Variants in KDM4C observed in about 807,000 individuals in gnomAD.
KDM4C encodes lysine demethylase 4C.
Under a neutral mutation model 129.3 loss-of-function variants are expected in KDM4C, and 81 were observed. That is an observed-to-expected ratio of 0.63 (90% CI 0.52 to 0.75). The LOEUF is 0.75. Ranked by LOEUF, KDM4C falls within the 30% of genes least tolerant of loss-of-function variation. The probability of loss-of-function intolerance (pLI) is 0.00; values close to 1 mark genes in which losing one functional copy is unlikely to be tolerated. For missense variants in KDM4C, 1,457 were observed against 1,304.0 expected (o/e 1.12, Z -1.81); for synonymous variants, 573 against 456.1 (o/e 1.26, Z -3.26).
At chr9:7,128,418 G>GA (rs1279780965) in intron 19 of KDM4C, among the ~76,000 whole-genome samples, 182 bp downstream of exon 19, 3,453 of 151,236 alleles carry the variant, frequency 0.023, 111 homozygotes, top group African/African-American at 0.079. Context: ...TTCTTTTTTT[G>GA]GCCAAACGTT....
chr9:7,090,996 G>A (rs1168171702), intron 17 of KDM4C, among the ~76,000 whole-genome samples: 1 of 152,310 alleles, frequency 6.6e-6, no homozygotes, highest in Non-Finnish European at 1.5e-5. Flanking sequence ...GAGCATGGAT[G>A]CATTTTATGG....
intron 17 of KDM4C, among the ~76,000 whole-genome samples, chr9:7,084,945 C>T (rs942589378): frequency 6.6e-6 from 1 of 152,154 alleles, no homozygotes; most frequent in Non-Finnish European, 1.5e-5. Context: ...ATGAGAGTGC[C>T]CATCAGGGGG....
chr9:7,136,436 A>G (rs189109487), intron 19 of KDM4C, among the ~76,000 whole-genome samples: 1 of 152,354 alleles, frequency 6.6e-6, no homozygotes, highest in East Asian at 1.9e-4. Flanking sequence ...GTGCCATTTT[A>G]TCTTCCCACC....
In KDM4C at chr9:6,728,662, TG is replaced by T. The variant is rs1458377994; in HGVS notation, c.49+7669del. On this transcript the variant is annotated intron_variant, in intron 1 of 17. Coordinates refer to the KDM4C transcript ENST00000536108. ...GAGTTCGAGACCAGCCTGACCAACA[TG>T]GGGAAACCCCATCTCTACTAAAAAT... Among the ~76,000 whole-genome samples the T allele has an allele frequency of 2.6e-5, 4 of 151,258 alleles. No homozygotes were observed. In the East Asian group the frequency reaches 7.9e-4, roughly 30 times the overall value.
chr9:7,100,424 C>G (rs1049445668), intron 17 of KDM4C, among the ~76,000 whole-genome samples: 1 of 152,136 alleles, frequency 6.6e-6, no homozygotes, highest in Non-Finnish European at 1.5e-5. Context: ...ACTGCAACCT[C>G]TGCCTCCTGG....
chr9:6,994,787 C>T (rs762056775), intron 12 of KDM4C, among the ~76,000 whole-genome samples: 3 of 152,102 alleles, frequency 2.0e-5, no homozygotes, highest in African/African-American at 7.2e-5. Flanking sequence ...TTTTAATTAC[C>T]AATATAAATG....
chr9:7,098,006 G>C lies in KDM4C; in HGVS notation c.2425-5679G>C, dbSNP rs371835692. Among the ~76,000 whole-genome samples the C allele has an allele frequency of 2.6e-4, 40 of 152,330 alleles. No homozygotes were observed. The South Asian group carries it at 8.3e-3, about 32-fold the overall frequency. ...GGTGCTTCCGCAAGGATTCTTACTT[G>C]ATCTTCCTTGTAATGTATCTGTTGA... On this transcript the variant is annotated intron_variant, in intron 17 of 21. Transcript: ENST00000381309.
At chr9:7,082,588 C>T (rs1204034301) in intron 17 of KDM4C, among the ~76,000 whole-genome samples, 1 of 152,112 alleles carries the variant, frequency 6.6e-6, no homozygotes, top group Non-Finnish European at 1.5e-5. Context: ...CATGGGGCTG[C>T]GGGCAGTCCT....
intron 18 of KDM4C, chr9:7,105,291 A>C (rs1159041709): frequency 2.8e-6 from 1 of 359,398 alleles, no homozygotes; most frequent in Non-Finnish European, 5.7e-6. Flanking sequence ...TGGTGTTCAC[A>C]CTTAGATTCT....
chr9:7,005,493 A>T (rs1037114103), intron 12 of KDM4C, among the ~76,000 whole-genome samples: 4 of 151,648 alleles, frequency 2.6e-5, no homozygotes, highest in Admixed American at 2.6e-4. Flanking sequence ...AACGCCCCAC[A>T]TTCCTTTGTT....
chr9:6,861,071 A>G (rs1003085718), intron 5 of KDM4C, among the ~76,000 whole-genome samples: 1 of 152,266 alleles, frequency 6.6e-6, no homozygotes, highest in Non-Finnish European at 1.5e-5. Context: ...GTAGGTGGAA[A>G]TAAATCCCTG....
intron 1 of KDM4C, among the ~76,000 whole-genome samples, chr9:6,780,351 A>G (rs1471718944): frequency 2.6e-5 from 3 of 117,532 alleles, no homozygotes; most frequent in Non-Finnish European, 5.6e-5. Flanking sequence ...AGGTGTGGGA[A>G]TTATAACAGT....
chr9:6,908,081 T>C (rs1223719099), intron 8 of KDM4C, among the ~76,000 whole-genome samples: 1 of 152,216 alleles, frequency 6.6e-6, no homozygotes, highest in Non-Finnish European at 1.5e-5. Flanking sequence ...GTTACACATT[T>C]GTAATCGGTA....
At chr9:6,796,802 G>A (rs1214792254) in intron 2 of KDM4C, among the ~76,000 whole-genome samples, 3 of 152,082 alleles carry the variant, frequency 2.0e-5, no homozygotes, top group East Asian at 1.9e-4. Context: ...CATCTTTGAC[G>A]TCAAGTCACA....
intron 8 of KDM4C, among the ~76,000 whole-genome samples, chr9:6,900,873 G>C (rs1293818957): frequency 1.3e-5 from 2 of 152,054 alleles, no homozygotes; most frequent in African/African-American, 4.8e-5. Flanking sequence ...CTTGTGTATA[G>C]AGAATGAGGT....
At chr9:7,168,205 C>G in intron 20 of KDM4C, among the ~76,000 whole-genome samples, 1 of 151,446 alleles carries the variant, frequency 6.6e-6, no homozygotes. Context: ...AAACCAAAAA[C>G]CAAAAAAAAA....
At chr9:7,041,554 CTT>C (rs1828613822) in intron 15 of KDM4C, among the ~76,000 whole-genome samples, 1 of 147,006 alleles carries the variant, frequency 6.8e-6, no homozygotes, top group Non-Finnish European at 1.5e-5. Flanking sequence ...TTTTTTTTTG[CTT>C]TTTATTATAT....
intron 17 of KDM4C, among the ~76,000 whole-genome samples, chr9:7,080,511 A>G (rs1426992162): frequency 6.6e-6 from 1 of 152,222 alleles, no homozygotes; most frequent in African/African-American, 2.4e-5. Flanking sequence ...AATGCTTGAT[A>G]TGGGAATGTG....
chr9:7,097,932 T>G (rs564119626), intron 17 of KDM4C, among the ~76,000 whole-genome samples: 38 of 152,384 alleles, frequency 2.5e-4, no homozygotes, highest in African/African-American at 8.4e-4. Context: ...ATTCATATGG[T>G]TAATGGCTGT....
Sources: gnomAD v4.1 joint callset for allele counts (sites outside exome capture counted in the v4.1 genomes callset) on GRCh38, gnomAD v4.1.1 for gene constraint, MANE v1.5 for transcripts, NCBI Gene and HGNC (gene_info 2026-07-23, HGNC 2026-07-21) for gene names.